RFX3: variants seen among roughly 807,000 people sequenced by gnomAD.
The protein encoded by RFX3 is regulatory factor X3.
A neutral mutation model predicts 98.6 loss-of-function variants in RFX3; 14 were observed. That is an observed-to-expected ratio of 0.14 (90% CI 0.09 to 0.22). RFX3 has a LOEUF of 0.22. Ranked by LOEUF, RFX3 falls within the 10% of genes least tolerant of loss-of-function variation. The pLI is 1.00. For missense variants in RFX3, 639 were observed against 926.9 expected (o/e 0.69, Z 4.03); for synonymous variants, 383 against 328.4 (o/e 1.17, Z -1.80).
chr9:3,446,088 G>T (rs920233171), intron 1 of RFX3, among the ~76,000 whole-genome samples: 1 of 152,002 alleles, frequency 6.6e-6, no homozygotes, highest in African/African-American at 2.4e-5. Flanking sequence ...GCCCAAGCCC[G>T]ATGCCTGATA....
chr9:3,431,909 T>A (rs1462711355), intron 1 of RFX3, among the ~76,000 whole-genome samples: 2 of 151,958 alleles, frequency 1.3e-5, no homozygotes, highest in African/African-American at 4.8e-5. Flanking sequence ...AAAGAACACA[T>A]ATGAGTAAGG....
intron 1 of RFX3, among the ~76,000 whole-genome samples, chr9:3,472,389 C>A (rs2133234959): frequency 6.6e-6 from 1 of 152,284 alleles, no homozygotes; most frequent in South Asian, 2.1e-4. Context: ...AGATAACACA[C>A]CCTAGTGAGA....
At chr9:3,286,837 A>C (rs1345545066) in intron 7 of RFX3, among the ~76,000 whole-genome samples, 1 of 151,854 alleles carries the variant, frequency 6.6e-6, no homozygotes, top group Non-Finnish European at 1.5e-5. Context: ...TTTACCACAG[A>C]CATCATGGAC....
intron 2 of RFX3, among the ~76,000 whole-genome samples, chr9:3,368,156 C>A (rs1327166598): frequency 1.3e-5 from 2 of 152,076 alleles, no homozygotes; most frequent in African/African-American, 4.8e-5. Flanking sequence ...TATTACCTTT[C>A]TAAAACTTAT....
At chr9:3,435,287 C>G (rs1845022172) in intron 1 of RFX3, among the ~76,000 whole-genome samples, 1 of 152,034 alleles carries the variant, frequency 6.6e-6, no homozygotes, top group Non-Finnish European at 1.5e-5. Context: ...TTTTTTAACT[C>G]TGACTCTTGT....
intron 13 of RFX3, among the ~76,000 whole-genome samples, chr9:3,258,010 T>A (rs1458665192): frequency 6.6e-6 from 1 of 152,162 alleles, no homozygotes; most frequent in African/African-American, 2.4e-5. Flanking sequence ...TATGTTGTAT[T>A]TTAAGATTTA....
At chr9:3,518,732 C>G (rs1818422850) in intron 1 of RFX3, among the ~76,000 whole-genome samples, 1 of 152,088 alleles carries the variant, frequency 6.6e-6, no homozygotes, top group East Asian at 1.9e-4. Flanking sequence ...TCTTTAATAT[C>G]TAATGAAAGG....
intron 14 of RFX3, among the ~76,000 whole-genome samples, chr9:3,248,853 C>T (rs1319213296): frequency 6.6e-6 from 1 of 151,982 alleles, no homozygotes; most frequent in African/African-American, 2.4e-5. Flanking sequence ...AAAATGCAAA[C>T]ATTTAAAGTA....
intron 1 of RFX3, among the ~76,000 whole-genome samples, chr9:3,398,078 T>G (rs1049012307): frequency 6.6e-6 from 1 of 152,204 alleles, no homozygotes; most frequent in Non-Finnish European, 1.5e-5. Flanking sequence ...GTCCAGATTT[T>G]TATGTGAAAT....
intron 1 of RFX3, among the ~76,000 whole-genome samples, chr9:3,450,825 T>C (rs1846540583): frequency 6.6e-6 from 1 of 152,200 alleles, no homozygotes; most frequent in South Asian, 2.1e-4. Flanking sequence ...GATCATTCCA[T>C]TCAATCCAGT....
At chr9:3,448,988 C>A (rs765082706) in intron 1 of RFX3, among the ~76,000 whole-genome samples, 4 of 152,154 alleles carry the variant, frequency 2.6e-5, no homozygotes, top group Non-Finnish European at 4.4e-5. Context: ...TGTCTATTAT[C>A]TTTATCCCCA....
chr9:3,362,204 TCC>T (rs1449878469), intron 2 of RFX3, among the ~76,000 whole-genome samples: 1 of 152,228 alleles, frequency 6.6e-6, no homozygotes, highest in African/African-American at 2.4e-5. Flanking sequence ...ACAAAGGACT[TCC>T]TTGCATATTC....
chr9:3,495,100 G>A (rs1477827752), intron 1 of RFX3, among the ~76,000 whole-genome samples: 1 of 151,386 alleles, frequency 6.6e-6, no homozygotes, highest in Non-Finnish European at 1.5e-5. Context: ...ACATATGTAT[G>A]TATATTAATG....
intron 4 of RFX3, among the ~76,000 whole-genome samples, chr9:3,315,897 A>T (rs1830525245): frequency 6.6e-6 from 1 of 152,120 alleles, no homozygotes; most frequent in Admixed American, 6.5e-5. Context: ...CCTACCAACC[A>T]AAAAAAGTCC....
At chr9:3,406,899 T>C (rs921275662) in intron 1 of RFX3, among the ~76,000 whole-genome samples, 1 of 152,164 alleles carries the variant, frequency 6.6e-6, no homozygotes, top group Non-Finnish European at 1.5e-5. Context: ...AGAAACAAGA[T>C]AAGGATTAAG....
intron 4 of RFX3, among the ~76,000 whole-genome samples, chr9:3,306,127 C>T (rs1042401512): frequency 1.3e-5 from 2 of 152,030 alleles, no homozygotes; most frequent in African/African-American, 4.8e-5. Flanking sequence ...CAGTTAACAC[C>T]GATGGAAAAT....
chr9:3,257,653 G>A (rs1822308853), intron 13 of RFX3, among the ~76,000 whole-genome samples: 1 of 152,234 alleles, frequency 6.6e-6, no homozygotes, highest in African/African-American at 2.4e-5. Flanking sequence ...CAGATAAATA[G>A]ATAAAATTGG....
At chr9:3,386,230 T>C (rs1839702200) in intron 2 of RFX3, among the ~76,000 whole-genome samples, 1 of 152,120 alleles carries the variant, frequency 6.6e-6, no homozygotes, top group East Asian at 1.9e-4. Flanking sequence ...CAAAAGCCAA[T>C]GTTACAAGAA....
intron 11 of RFX3, among the ~76,000 whole-genome samples, chr9:3,267,870 C>G (rs957015811): frequency 6.6e-5 from 10 of 151,822 alleles, no homozygotes; most frequent in African/African-American, 2.4e-4. Flanking sequence ...TTTTGGCAAT[C>G]TGCATTTTCC....
Sources: gnomAD v4.1 joint callset for allele counts (sites outside exome capture counted in the v4.1 genomes callset) on GRCh38, gnomAD v4.1.1 for gene constraint, MANE v1.5 for transcripts, NCBI Gene and HGNC (gene_info 2026-07-23, HGNC 2026-07-21) for gene names.